PIBF1: variants seen among roughly 807,000 people sequenced by gnomAD.
PIBF1 encodes the protein progesterone-induced-blocking factor 1.
A neutral mutation model predicts 112.5 loss-of-function variants in PIBF1; 90 were observed. The ratio of observed to expected loss-of-function variants is 0.80; its 90% CI spans 0.67 to 0.95. The LOEUF (loss-of-function observed/expected upper bound fraction) is 0.95, where lower values mean the gene tolerates loss of function less well. Among genes scored for constraint, PIBF1 ranks in the 40% least tolerant of loss-of-function variants. The pLI is 0.00. For missense variants in PIBF1, 915 were observed against 852.3 expected (o/e 1.07, Z -0.92); for synonymous variants, 301 against 288.6 (o/e 1.04, Z -0.44).
chr13:73,005,919 C>CT (rs34315714), intron 17 of PIBF1, among the ~76,000 whole-genome samples: 21,325 of 132,748 alleles, frequency 0.16, 2,052 homozygotes, highest in Non-Finnish European at 0.19. Context: ...TCTGGTTTCA[C>CT]TTTTTTTTTT....
At chr13:72,946,968 G>A (rs887817272) in intron 14 of PIBF1, among the ~76,000 whole-genome samples, 8 of 152,186 alleles carry the variant, frequency 5.3e-5, no homozygotes, top group South Asian at 2.1e-4. Flanking sequence ...GACGGTGGCC[G>A]TCTTCTCACG....
At position 72,973,676 on chromosome 13, in the gene PIBF1, G is replaced by T. The variant is rs200668528; in HGVS notation, c.2049+1G>T. The stretch of plus-strand genomic sequence containing the variant: ...AGAACAACTTCTAAATCATCGTGAG[G>T]TATTTTTCCTATTTTGTCATAATTG... On this transcript the variant is annotated splice_donor_variant, in intron 16 of 17. Coordinates refer to ENST00000326291, the MANE Select transcript of PIBF1 (RefSeq NM_006346.4). LOFTEE classifies it high-confidence loss of function. 2 of 1,504,296 alleles carry T rather than the reference G, an allele frequency of 1.3e-6. No individual in the cohort carries two copies. Among genetic ancestry groups the T allele is most frequent in the Non-Finnish European group, 1.8e-6 (2 of 1,092,958 alleles). 93.2% of individuals were successfully genotyped at this position (1,504,296 alleles called of 1,614,324 possible).
intron 10 of PIBF1, among the ~76,000 whole-genome samples, chr13:72,865,834 T>A (rs17089814): frequency 0.1 from 15,683 of 152,192 alleles, 2,301 homozygotes; most frequent in African/African-American, 0.33. Context: ...CATCAGTAGG[T>A]ATATTTTTGT....
intron 9 of PIBF1, among the ~76,000 whole-genome samples, chr13:72,846,349 A>G (rs2037880568): frequency 2.6e-5 from 4 of 152,122 alleles, no homozygotes; most frequent in African/African-American, 9.7e-5. Flanking sequence ...TCTCACGTAT[A>G]TTACCTTGCT....
intron 17 of PIBF1, among the ~76,000 whole-genome samples, chr13:73,013,202 G>A (rs2139065946): frequency 6.6e-6 from 1 of 151,098 alleles, no homozygotes; most frequent in East Asian, 2.0e-4. Flanking sequence ...TCGGGAGGCT[G>A]AGGCAGGAGA....
Position 72,973,660 on chromosome 13 carries a change from T to G in PIBF1, c.2034T>G (p.Leu678=). Reference sequence around the variant, plus strand: ...AAATGGCATTAGATTTAGAACAACTTCTAAATCATCGTGAGGTATTTTTCC... The same window carrying G: ...AAATGGCATTAGATTTAGAACAACTGCTAAATCATCGTGAGGTATTTTTCC... ...KNQMALDLEQ[L]LNHREELAAM... The change falls in exon 16 of 18, where the codon CTT becomes CTG. Residue 678 remains leucine, a synonymous_variant. Transcript: ENST00000326291. 6.4e-7 allele frequency: 1 copy of G among 1,560,222 alleles called. No individual in the cohort carries two copies. The highest frequency in any genetic ancestry group is 8.8e-7 in the Non-Finnish European group (1 of 1,140,648).
chr13:72,839,787 G>C (rs879548242), intron 9 of PIBF1, among the ~76,000 whole-genome samples: 4 of 152,096 alleles, frequency 2.6e-5, no homozygotes, highest in Non-Finnish European at 5.9e-5. Flanking sequence ...GGTTGGTAGG[G>C]GTAGGTTGGT....
intron 9 of PIBF1, among the ~76,000 whole-genome samples, chr13:72,844,756 C>CACACACACGGATGAAGTCTTACTGTTT (rs1555296162): frequency 0.033 from 3,749 of 115,134 alleles, 285 homozygotes; most frequent in Middle Eastern, 0.069. Flanking sequence ...CACACACACA[C>CACACACACGGATGAAGTCTTACTGTTT]ACACACACAC....
At chr13:72,842,538 T>C (rs1202655694) in intron 9 of PIBF1, among the ~76,000 whole-genome samples, 2 of 152,220 alleles carry the variant, frequency 1.3e-5, no homozygotes, top group Non-Finnish European at 2.9e-5. Flanking sequence ...GAAATTTATG[T>C]AGAATCTTAG....
chr13:72,866,616 C>T (rs761654345), intron 10 of PIBF1, among the ~76,000 whole-genome samples: 1 of 152,008 alleles, frequency 6.6e-6, no homozygotes, highest in Non-Finnish European at 1.5e-5. Context: ...AACATCATGA[C>T]AGTGACATTA....
intron 11 of PIBF1, among the ~76,000 whole-genome samples, chr13:72,902,454 C>T (rs141959370): frequency 7.2e-5 from 11 of 151,762 alleles, no homozygotes; most frequent in African/African-American, 2.7e-4. Context: ...GCATCTGAGC[C>T]TATAGTCTCT....
chr13:72,981,725 G>A (rs908302997), intron 16 of PIBF1, among the ~76,000 whole-genome samples: 4 of 152,106 alleles, frequency 2.6e-5, no homozygotes, highest in African/African-American at 9.7e-5. Flanking sequence ...TTTTTCTTTA[G>A]CAGCACTTAG....
intron 14 of PIBF1, among the ~76,000 whole-genome samples, chr13:72,953,268 C>T (rs1327228019): frequency 2.0e-5 from 3 of 152,182 alleles, no homozygotes; most frequent in Non-Finnish European, 4.4e-5. Context: ...GCACCTGTGC[C>T]TCTGATGAAA....
At position 73,007,764 on chromosome 13, in the gene PIBF1, G is replaced by A. The variant is rs369844960; in HGVS notation, c.2224-8105G>A. Among the ~76,000 whole-genome samples, 481 of 148,882 alleles carry A rather than the reference G, an allele frequency of 3.2e-3. 3 individuals are homozygous for A. Among genetic ancestry groups the A allele is most frequent in the African/African-American group, 0.012 (460 of 39,970 alleles). ...GCAGAGGTTGCAGTGAGACAAGATC[G>A]CACTGTTGCACTCCAGCCTGGGCAA... On this transcript the variant is annotated intron_variant, in intron 17 of 17. Coordinates refer to ENST00000326291, the MANE Select transcript of PIBF1 (RefSeq NM_006346.4).
chr13:72,918,010 T>C (rs1343804), intron 13 of PIBF1, among the ~76,000 whole-genome samples: 113,095 of 152,016 alleles, frequency 0.74, 42,455 homozygotes, highest in African/African-American at 0.82. Context: ...GACAACTGTA[T>C]GCTAACAGAA....
chr13:72,816,968 T>G (rs1202635855), intron 5 of PIBF1, among the ~76,000 whole-genome samples: 5 of 152,144 alleles, frequency 3.3e-5, no homozygotes, highest in Non-Finnish European at 7.4e-5. Context: ...TTAATTAGGT[T>G]TCTTGTTCTT....
chr13:72,877,859 C>T (rs2039471912), intron 10 of PIBF1, among the ~76,000 whole-genome samples: 1 of 151,714 alleles, frequency 6.6e-6, no homozygotes, highest in African/African-American at 2.4e-5. Flanking sequence ...AAGCAATTCT[C>T]CTGCCTCAGC....
intron 13 of PIBF1, 124 bp from the exon 14 acceptor site, chr13:72,931,041 T>A (rs2041680784): frequency 1.6e-6 from 1 of 632,914 alleles, no homozygotes; most frequent in African/African-American, 1.9e-5. Flanking sequence ...GACTCTATAT[T>A]TTTTCTGTTA....
rs578244166 is a variant in PIBF1 at position 72,799,361 on chromosome 13, A to C, written c.672+1335A>C. On this transcript the variant is annotated intron_variant, in intron 5 of 17. Transcript: ENST00000326291. ...TTGCTGTACTATTAGTCTTAGAGATAATTTACTTAAGTCTTGCCATAGAAC... is the reference window on the plus strand; with the variant it reads ...TTGCTGTACTATTAGTCTTAGAGATCATTTACTTAAGTCTTGCCATAGAAC... Among the ~76,000 whole-genome samples the C allele has an allele frequency of 3.3e-5, 5 of 152,286 alleles. No homozygotes were observed. In the South Asian group the frequency reaches 1.0e-3, roughly 32 times the overall value.
Sources: gnomAD v4.1 joint callset for allele counts (sites outside exome capture counted in the v4.1 genomes callset) on GRCh38, gnomAD v4.1.1 for gene constraint, MANE v1.5 for transcripts, NCBI Gene and HGNC (gene_info 2026-07-23, HGNC 2026-07-21) for gene names.